VTI1A: variants seen among roughly 807,000 people sequenced by gnomAD.
The protein encoded by VTI1A is vesicle transport through interaction with t-SNAREs homolog 1A.
In VTI1A, 22 loss-of-function variants were observed where a neutral mutation model predicts 34.9. That is an observed-to-expected ratio of 0.63 (90% confidence interval 0.45 to 0.90). The LOEUF is 0.90. Among genes scored for constraint, VTI1A ranks in the 40% least tolerant of loss-of-function variants. VTI1A has a pLI of 0.00. For missense variants in VTI1A, 268 were observed against 275.6 expected, an observed-to-expected ratio of 0.97 and a Z score of 0.20; for synonymous variants, 87 against 97.3, an observed-to-expected ratio of 0.89 and a Z score of 0.62.
rs946041554 is a variant in VTI1A, at chr10:112,634,156, G to A, written c.428-34062G>A. ...TAAGAAATATGCTTCAATGGCTTATGCATTTAGAATTGACTTTGTGGAACA... is the reference window on the plus strand; with the variant it reads ...TAAGAAATATGCTTCAATGGCTTATACATTTAGAATTGACTTTGTGGAACA... On this transcript the variant is annotated intron_variant, in intron 5 of 7. Coordinates refer to ENST00000393077, the MANE Select transcript of VTI1A (RefSeq NM_145206.4). 15 of 154,446 alleles carry A rather than the reference G, an allele frequency of 9.7e-5. No individual in the cohort carries two copies. The East Asian group carries it at 1.9e-3, about 20-fold the overall frequency. 9.6% of individuals were successfully genotyped at this position (154,446 alleles called of 1,614,324 possible). A position where few individuals can be genotyped will look rare whatever the true frequency, so the allele number is the denominator to read the frequency against.
chr10:112,681,243 G>A (rs1848206283), intron 7 of VTI1A, among the ~76,000 whole-genome samples: 1 of 151,702 alleles, frequency 6.6e-6, no homozygotes, highest in East Asian at 1.9e-4. Flanking sequence ...CACACACCCA[G>A]CTAATTTTTA....
At chr10:112,740,674 G>A (rs970344036) in intron 7 of VTI1A, among the ~76,000 whole-genome samples, 1 of 152,218 alleles carries the variant, frequency 6.6e-6, no homozygotes, top group Non-Finnish European at 1.5e-5. Flanking sequence ...ACAGTAACAA[G>A]TGCTGACAAG....
chr10:112,690,816 C>T (rs566739062), intron 7 of VTI1A, among the ~76,000 whole-genome samples: 1 of 152,182 alleles, frequency 6.6e-6, no homozygotes, highest in Non-Finnish European at 1.5e-5. Context: ...AGTATCCATG[C>T]AATAGCCCCA....
chr10:112,798,614 A>T (rs1852759029), intron 7 of VTI1A, among the ~76,000 whole-genome samples: 1 of 152,190 alleles, frequency 6.6e-6, no homozygotes, highest in Non-Finnish European at 1.5e-5. Flanking sequence ...ATCAAAGGCC[A>T]CACTACTCCT....
intron 5 of VTI1A, among the ~76,000 whole-genome samples, chr10:112,630,171 T>C (rs889283441): frequency 3.9e-5 from 6 of 152,234 alleles, no homozygotes; most frequent in Non-Finnish European, 8.8e-5. Flanking sequence ...GTTGTTATTT[T>C]GTAAACACAT....
chr10:112,801,299 G>A (rs1326717866), intron 7 of VTI1A, among the ~76,000 whole-genome samples: 1 of 152,112 alleles, frequency 6.6e-6, no homozygotes, highest in Non-Finnish European at 1.5e-5. Flanking sequence ...CCTTTTCCCT[G>A]GGTAGGCCTG....
At chr10:112,657,089 T>A (rs2133813582) in intron 5 of VTI1A, among the ~76,000 whole-genome samples, 1 of 152,008 alleles carries the variant, frequency 6.6e-6, no homozygotes, top group East Asian at 1.9e-4. Flanking sequence ...AAGAAGCCAC[T>A]ATGCTTCCTG....
chr10:112,691,563 G>C (rs1277914357), intron 7 of VTI1A, among the ~76,000 whole-genome samples: 1 of 152,044 alleles, frequency 6.6e-6, no homozygotes, highest in African/African-American at 2.4e-5. Context: ...GGTGGTTGAG[G>C]GCTATGCCTG....
At chr10:112,562,905 C>T (rs527266862) in intron 5 of VTI1A, among the ~76,000 whole-genome samples, 115 of 152,206 alleles carry the variant, frequency 7.6e-4, no homozygotes, top group African/African-American at 2.7e-3. Flanking sequence ...AAAACAGAAA[C>T]GATGTCACCA....
chr10:112,568,526 T>G (rs1851990215), intron 5 of VTI1A, among the ~76,000 whole-genome samples: 1 of 151,414 alleles, frequency 6.6e-6, no homozygotes. Flanking sequence ...AAAAAAATTG[T>G]GATGGAGCTG....
chr10:112,736,111 G>GTGTATA (rs778802494), intron 7 of VTI1A, among the ~76,000 whole-genome samples: 27 of 116,196 alleles, frequency 2.3e-4, no homozygotes, highest in South Asian at 1.9e-3. Flanking sequence ...ATGTGTGTGT[G>GTGTATA]TATATATATA....
At chr10:112,693,591 G>A (rs1590077646) in intron 7 of VTI1A, among the ~76,000 whole-genome samples, 1 of 152,274 alleles carries the variant, frequency 6.6e-6, no homozygotes, top group Middle Eastern at 3.4e-3. Context: ...TAGCTTATCT[G>A]ACACAAGGCT....
intron 7 of VTI1A, among the ~76,000 whole-genome samples, chr10:112,703,725 A>G (rs902729294): frequency 6.6e-6 from 1 of 152,236 alleles, no homozygotes; most frequent in Non-Finnish European, 1.5e-5. Flanking sequence ...ATAAATTCAT[A>G]TTCAGGTTGT....
intron 7 of VTI1A, among the ~76,000 whole-genome samples, chr10:112,733,138 A>G (rs1166413544): frequency 6.6e-6 from 1 of 152,186 alleles, no homozygotes; most frequent in Non-Finnish European, 1.5e-5. Context: ...TCAGCTCTGG[A>G]ATACAAGGCT....
chr10:112,833,006 A>T, the VTI1A span, among the ~76,000 whole-genome samples: 1 of 151,966 alleles, frequency 6.6e-6, no homozygotes, highest in Admixed American at 6.6e-5. Flanking sequence ...AAAACAAATT[A>T]ATCGATAGCA....
At chr10:112,714,839 T>C (rs993989144) in intron 7 of VTI1A, among the ~76,000 whole-genome samples, 15 of 152,244 alleles carry the variant, frequency 9.9e-5, no homozygotes, top group Non-Finnish European at 2.1e-4. Flanking sequence ...TTCAAGTAAG[T>C]AAAAAACTGG....
intron 5 of VTI1A, among the ~76,000 whole-genome samples, chr10:112,624,050 C>T (rs1177271396): frequency 6.6e-6 from 1 of 152,198 alleles, no homozygotes; most frequent in East Asian, 1.9e-4. Context: ...AACACATTTT[C>T]ACTTCCGTCT....
At chr10:112,592,650 A>G (rs1367927579) in intron 5 of VTI1A, among the ~76,000 whole-genome samples, 2 of 151,440 alleles carry the variant, frequency 1.3e-5, no homozygotes, top group African/African-American at 4.9e-5. Context: ...CTTTGCACAC[A>G]GTAGGTGCCC....
At chr10:112,643,151 ATTTTTTTTTTTTC>A (rs1564862704) in intron 5 of VTI1A, among the ~76,000 whole-genome samples, 6 of 123,486 alleles carry the variant, frequency 4.9e-5, no homozygotes, top group South Asian at 2.6e-4. Context: ...CACCTGGCTA[ATTTTTTTTTTTTC>A]TTTTTTTTTT....
Sources: gnomAD v4.1 joint callset for allele counts (sites outside exome capture counted in the v4.1 genomes callset) on GRCh38, gnomAD v4.1.1 for gene constraint, MANE v1.5 for transcripts, NCBI Gene and HGNC (gene_info 2026-07-23, HGNC 2026-07-21) for gene names.